The following ADGRF1 variants were observed in gnomAD, a reference collection of about 807,000 sequenced individuals.
ADGRF1 encodes the protein G protein-coupled receptor 110.
Under a neutral mutation model 87.2 loss-of-function variants are expected in ADGRF1, and 85 were observed. The ratio of observed to expected loss-of-function variants is 0.97; its 90% CI spans 0.82 to 1.17. ADGRF1 has a LOEUF of 1.17. ADGRF1 is among the 50% of genes most tolerant of loss of function. The probability of loss-of-function intolerance (pLI) is 0.00; values close to 1 mark genes in which losing one functional copy is unlikely to be tolerated. For missense variants in ADGRF1, 1,169 were observed against 1,077.2 expected, an observed-to-expected ratio of 1.09 and a Z score of -1.19; for synonymous variants, 430 against 408.8, an observed-to-expected ratio of 1.05 and a Z score of -0.63.
At chr6:47,010,962 T>G (rs1779687187) in intron 10 of ADGRF1, among the ~76,000 whole-genome samples, 1 of 151,700 alleles carries the variant, frequency 6.6e-6, no homozygotes, top group Non-Finnish European at 1.5e-5. Flanking sequence ...CTTCTCTTGC[T>G]TATGGGTCTG....
chr6:47,004,187 C>T (rs551281721), intron 13 of ADGRF1, among the ~76,000 whole-genome samples: 8 of 152,144 alleles, frequency 5.3e-5, no homozygotes, highest in South Asian at 2.1e-4. Flanking sequence ...TGCTCACCAG[C>T]GAGTTTCTTG....
At chr6:47,034,522 A>T (rs1465700277) in intron 1 of ADGRF1, among the ~76,000 whole-genome samples, 1 of 152,232 alleles carries the variant, frequency 6.6e-6, no homozygotes, top group Non-Finnish European at 1.5e-5. Context: ...CTCCCCCAGG[A>T]CACTTCACCA....
At chr6:47,018,575 T>A (rs922602604) in intron 7 of ADGRF1, 3 of 1,289,508 alleles carry the variant, frequency 2.3e-6, no homozygotes, top group Non-Finnish European at 3.0e-6. Context: ...CACAGGTGTA[T>A]AACTGTCCTG....
intron 4 of ADGRF1, among the ~76,000 whole-genome samples, chr6:47,025,192 C>A (rs1432743085): frequency 6.6e-6 from 1 of 152,170 alleles, no homozygotes; most frequent in Non-Finnish European, 1.5e-5. Flanking sequence ...AGTCACCAGA[C>A]ACCTTTGTGA....
chr6:47,001,196 C>T (rs1484588440), intron 14 of ADGRF1, among the ~76,000 whole-genome samples: 4 of 152,260 alleles, frequency 2.6e-5, no homozygotes, highest in Non-Finnish European at 4.4e-5. Context: ...AGTCTAACCA[C>T]ACTCCTTCCC....
At chr6:47,029,181 T>A (rs1780337871) in intron 1 of ADGRF1, 77 bp from the exon 2 acceptor site, 5 of 779,316 alleles carry the variant, frequency 6.4e-6, no homozygotes, top group Non-Finnish European at 1.1e-5. Flanking sequence ...ATGCACAAAG[T>A]GGTAAGGCCT....
intron 11 of ADGRF1, among the ~76,000 whole-genome samples, chr6:47,008,553 C>T (rs923295160): frequency 6.6e-6 from 1 of 152,180 alleles, no homozygotes; most frequent in East Asian, 1.9e-4. Context: ...TTTGCTAGCC[C>T]CTTCTCTATT....
At chr6:47,028,705 G>A (rs1218471424) in intron 2 of ADGRF1, among the ~76,000 whole-genome samples, 1 of 152,208 alleles carries the variant, frequency 6.6e-6, no homozygotes, top group Non-Finnish European at 1.5e-5. Flanking sequence ...CTGCATCCGA[G>A]AAGCCATAGT....
intron 10 of ADGRF1, 82 bp downstream of exon 10, chr6:47,011,925 G>T: frequency 7.8e-7 from 1 of 1,288,178 alleles, no homozygotes; most frequent in Non-Finnish European, 1.1e-6. Flanking sequence ...TTTTCCAATA[G>T]TTCCCCATAT....
In ADGRF1 at chr6:47,010,106, C is replaced by G. The variant is rs767564538; in HGVS notation, c.1329G>C (p.Arg443Ser). The G allele has an allele frequency of 2.5e-6, 4 of 1,613,966 alleles. No homozygotes were observed. In the African/African-American group the frequency reaches 4.0e-5, roughly 16 times the overall value. ...ACATTTTAATCTGATAGCTGTAACC[C>G]CTTTTGAGTTGGCTTTTGTTCACTG... is the stretch of plus-strand genomic sequence containing the variant. ...GIPVNKSQLK[R>S]GYSYQIKMCP... is the part of the protein sequence containing the mutation. The change falls in exon 11 of 15, where the codon AGG (arginine) becomes AGC (serine). Residue 443 changes from arginine to serine, a missense_variant. Transcript: ENST00000371253.
Position 47,020,787 on chromosome 6 carries a change from A to C in ADGRF1, c.555T>G (p.Leu185=). 6.2e-7 allele frequency: 1 copy of C among 1,613,360 alleles called. No homozygotes were observed. The highest frequency in any genetic ancestry group is 1.1e-5 in the South Asian group (1 of 91,050). ...CTTGAATTCTTTCATATGCTTTTTT[A>C]AGCTTAGAAAGAGAACAAAGAACAA... is the stretch of plus-strand genomic sequence containing the variant. ...SKYANGIEIQ[L]KKAYERIQGF... The change falls in exon 7 of 15, where the codon CTT becomes CTG. Residue 185 remains leucine, a splice_region_variant and synonymous_variant. Coordinates refer to ENST00000371253, the MANE Select transcript of ADGRF1 (RefSeq NM_153840.4).
intron 1 of ADGRF1, among the ~76,000 whole-genome samples, chr6:47,036,431 C>T (rs1780591556): frequency 6.6e-6 from 1 of 152,102 alleles, no homozygotes; most frequent in African/African-American, 2.4e-5. Flanking sequence ...AAGCTATCTT[C>T]CTGACAAATA....
At position 47,029,004 on chromosome 6, in the gene ADGRF1, C is replaced by T; in HGVS notation, c.58G>A (p.Gly20Ser). 1 of 1,614,000 alleles carries T rather than the reference C, an allele frequency of 6.2e-7. No homozygotes were observed. The highest frequency in any genetic ancestry group is 1.3e-5 in the African/African-American group (1 of 75,024). Reference sequence around the variant, plus strand: ...TAGCACCAACTCACCCCCAGGAAGCCACCGTGGCCGTCAGTGAAGGTGAAG... The same window carrying T: ...TAGCACCAACTCACCCCCAGGAAGCTACCGTGGCCGTCAGTGAAGGTGAAG... Reference protein sequence around the residue: ...SFFTFTDGHGGFLGKNDGIKT... With the variant: ...SFFTFTDGHGSFLGKNDGIKT... Residue 20 changes from glycine (G) to serine (S), a missense_variant, in exon 2 of 15, where the codon GGC (glycine) becomes AGC (serine). By Grantham distance (56) the Gly-to-Ser change is moderately conservative. Transcript: ENST00000371253.
At chr6:47,006,097 C>T (rs1779519039) in intron 12 of ADGRF1, among the ~76,000 whole-genome samples, 1 of 152,156 alleles carries the variant, frequency 6.6e-6, no homozygotes, top group Non-Finnish European at 1.5e-5. Context: ...ATGCCATACT[C>T]ATTCCAATTT....
intron 6 of ADGRF1, among the ~76,000 whole-genome samples, chr6:47,021,669 T>A (rs1780055844): frequency 6.6e-6 from 1 of 152,096 alleles, no homozygotes; most frequent in African/African-American, 2.4e-5. Context: ...TCCATAAAAA[T>A]TTTTTATAAA....
intron 4 of ADGRF1, among the ~76,000 whole-genome samples, chr6:47,025,188 C>T (rs1389572089): frequency 6.6e-6 from 1 of 152,096 alleles, no homozygotes; most frequent in Non-Finnish European, 1.5e-5. Context: ...GCAAAGTCAC[C>T]AGACACCTTT....
At chr6:47,032,324 C>T (rs533531174) in intron 1 of ADGRF1, among the ~76,000 whole-genome samples, 3 of 152,166 alleles carry the variant, frequency 2.0e-5, no homozygotes, top group East Asian at 3.9e-4. Flanking sequence ...TCTGGGATAC[C>T]GTTGGAAGAT....
intron 2 of ADGRF1, among the ~76,000 whole-genome samples, chr6:47,028,340 A>G (rs770469451): frequency 2.0e-5 from 3 of 152,216 alleles, no homozygotes; most frequent in Admixed American, 6.5e-5. Context: ...TTTAAAAGTA[A>G]TGCCAGTGGT....
At chr6:47,040,660 A>C (rs914848177) in intron 1 of ADGRF1, among the ~76,000 whole-genome samples, 2 of 152,102 alleles carry the variant, frequency 1.3e-5, no homozygotes, top group African/African-American at 4.8e-5. Context: ...CTTGTGACGC[A>C]CACCCCACCA....
Sources: allele counts gnomAD v4.1 joint callset (sites outside exome capture counted in the v4.1 genomes callset), GRCh38; gene constraint gnomAD v4.1.1; transcripts MANE v1.5; gene names NCBI Gene and HGNC (gene_info 2026-07-23, HGNC 2026-07-21).